The following FOXP1 variants were observed in gnomAD, a reference collection of about 807,000 sequenced individuals.
FOXP1 encodes forkhead box protein P1.
A neutral mutation model predicts 98.2 loss-of-function variants in FOXP1; 15 were observed. The observed-to-expected ratio is 0.15, with a 90% CI of 0.10 to 0.24. The LOEUF (loss-of-function observed/expected upper bound fraction) is 0.24, where lower values mean the gene tolerates loss of function less well. Ranked by LOEUF, FOXP1 falls within the 10% of genes least tolerant of loss-of-function variation. FOXP1 has a pLI of 1.00. For synonymous variants in FOXP1, 371 were observed against 314.5 expected (o/e 1.18, Z -1.90); for missense variants, 633 against 848.5 (o/e 0.75, Z 3.15).
intron 6 of FOXP1, among the ~76,000 whole-genome samples, chr3:71,170,653 C>G (rs951462184): frequency 4.6e-5 from 7 of 152,154 alleles, no homozygotes; most frequent in Admixed American, 4.6e-4. Flanking sequence ...GTATTCTTAG[C>G]TGAAAACCAT....
intron 7 of FOXP1, 35 bp downstream of exon 7, chr3:71,112,501 T>C: frequency 6.8e-7 from 1 of 1,476,806 alleles, no homozygotes. Flanking sequence ...TCCCAAAGGG[T>C]ATAATGTCAA....
intron 3 of FOXP1, among the ~76,000 whole-genome samples, chr3:71,448,281 G>A (rs1400635899): frequency 6.6e-6 from 1 of 152,124 alleles, no homozygotes; most frequent in Non-Finnish European, 1.5e-5. Flanking sequence ...ACAAAGAAAT[G>A]TACAAAATCC....
chr3:70,970,682 G>T, intron 19 of FOXP1, 54 bp downstream of exon 19: 1 of 1,301,656 alleles, frequency 7.7e-7, no homozygotes, highest in South Asian at 1.2e-5. Flanking sequence ...ATTTTGAAAT[G>T]AGTAGGGGAG....
Position 71,256,607 on chromosome 3 carries a change from C to T in FOXP1, c.-12+43213G>A, listed in dbSNP as rs534167225. 1.2e-4 allele frequency among the ~76,000 whole-genome samples: 18 copies of T among 152,212 alleles called. No individual in the cohort carries two copies. The Middle Eastern group carries it at 0.02, about 173-fold the overall frequency. ...CCATGTTGGCCAGGATGGTCTCAAC[C>T]GCTTAACCTCATGATTCACCTGCCT... On this transcript the variant is annotated intron_variant, in intron 5 of 20. Coordinates refer to ENST00000649528, the MANE Select transcript of FOXP1 (RefSeq NM_001349338.3).
chr3:71,186,419 T>C (rs1428366125), intron 6 of FOXP1, among the ~76,000 whole-genome samples: 1 of 152,176 alleles, frequency 6.6e-6, no homozygotes, highest in Non-Finnish European at 1.5e-5. Context: ...TCTTAAACAA[T>C]AGTATACCTA....
chr3:71,061,521 C>T (rs1245329471), intron 7 of FOXP1, among the ~76,000 whole-genome samples: 1 of 152,050 alleles, frequency 6.6e-6, no homozygotes, highest in Admixed American at 6.6e-5. Flanking sequence ...TATTTGCAAG[C>T]GTTATAATTT....
chr3:71,358,255 T>C (rs2078302339), intron 4 of FOXP1, among the ~76,000 whole-genome samples: 1 of 152,208 alleles, frequency 6.6e-6, no homozygotes, highest in African/African-American at 2.4e-5. Flanking sequence ...TAGCCTACCA[T>C]AATCTACCCG....
intron 12 of FOXP1, among the ~76,000 whole-genome samples, chr3:71,001,837 G>A (rs559865826): frequency 1.3e-5 from 2 of 152,222 alleles, no homozygotes; most frequent in Admixed American, 6.5e-5. Context: ...AAAGCCTAAA[G>A]TCTTGAAAAT....
chr3:71,099,111 GC>G (rs1311293652), intron 7 of FOXP1, among the ~76,000 whole-genome samples: 8 of 152,166 alleles, frequency 5.3e-5, no homozygotes, highest in African/African-American at 1.9e-4. Flanking sequence ...TTGATTATAA[GC>G]AAAACGATGG....
intron 5 of FOXP1, among the ~76,000 whole-genome samples, chr3:71,278,990 G>A (rs1490505593): frequency 4.6e-5 from 7 of 151,584 alleles, no homozygotes; most frequent in Admixed American, 6.6e-5. Context: ...TCAGGAGTTC[G>A]AGACCAGCCT....
chr3:71,047,122 A>C (rs1278982024), intron 9 of FOXP1, 27 bp from the exon 10 acceptor site: 1 of 1,613,686 alleles, frequency 6.2e-7, no homozygotes, highest in Non-Finnish European at 8.5e-7. Flanking sequence ...AGAAAAAATG[A>C]GATGGCCACT....
chr3:71,233,409 C>T (rs2066494136), intron 5 of FOXP1, among the ~76,000 whole-genome samples: 1 of 151,776 alleles, frequency 6.6e-6, no homozygotes, highest in Non-Finnish European at 1.5e-5. Context: ...AAAGCAGCTG[C>T]TATAGTTTTT....
intron 3 of FOXP1, among the ~76,000 whole-genome samples, chr3:71,418,661 C>T (rs1484597338): frequency 6.6e-6 from 1 of 152,152 alleles, no homozygotes; most frequent in Non-Finnish European, 1.5e-5. Context: ...GATCTAAACA[C>T]TACTTAACTG....
intron 2 of FOXP1, among the ~76,000 whole-genome samples, chr3:71,515,874 C>A (rs896262608): frequency 1.3e-5 from 2 of 152,148 alleles, no homozygotes; most frequent in Admixed American, 1.3e-4. Flanking sequence ...AAGGAAGGAA[C>A]AAGGGTCAGA....
rs1560425175 is a variant in FOXP1, at chr3:71,397,019, T to TACACAC, written c.-167-37776_-167-37775insGTGTGT. ...ACACATATATATGTGTATATATATATATATACATATATATGTGTATATATA... is the reference window on the plus strand; with the variant it reads ...ACACATATATATGTGTATATATATATACACACATATACATATATATGTGTATATATA... On this transcript the variant is annotated intron_variant, in intron 3 of 20. Transcript: ENST00000649528. Among the ~76,000 whole-genome samples the TACACAC allele has an allele frequency of 7.3e-4, 42 of 57,292 alleles. 12 individuals are homozygous for TACACAC. Among genetic ancestry groups the TACACAC allele is most frequent in the Middle Eastern group, 0.017 (2 of 118 alleles). The allele number at this position is 57,292 out of a possible 152,430, so 37.6% of individuals were successfully genotyped here. A position where few individuals can be genotyped will look rare whatever the true frequency, so the allele number is the denominator to read the frequency against.
rs182236761 is a variant in FOXP1 at position 71,406,496 on chromosome 3, C to T, written c.-167-47252G>A. On this transcript the variant is annotated intron_variant, in intron 3 of 20. Coordinates refer to ENST00000649528, the MANE Select transcript of FOXP1 (RefSeq NM_001349338.3). Reference sequence around the variant, plus strand: ...AATCAGGGTATTCCATTTCCAAAGTCAGCAACATTGAGCCAAGTCCTTCTC... The same window carrying T: ...AATCAGGGTATTCCATTTCCAAAGTTAGCAACATTGAGCCAAGTCCTTCTC... Among the ~76,000 whole-genome samples the T allele has an allele frequency of 1.7e-4, 25 of 149,446 alleles. No individual in the cohort carries two copies. In the East Asian group the frequency reaches 4.6e-3, roughly 28 times the overall value.
intron 4 of FOXP1, among the ~76,000 whole-genome samples, chr3:71,341,419 T>G (rs771529391): frequency 1.3e-4 from 20 of 152,218 alleles, no homozygotes; most frequent in Non-Finnish European, 2.1e-4. Context: ...CTAAAACTTA[T>G]GAGGTACAGA....
intron 3 of FOXP1, among the ~76,000 whole-genome samples, chr3:71,437,417 C>CA (rs1396559118): frequency 6.6e-6 from 1 of 152,018 alleles, no homozygotes; most frequent in African/African-American, 2.4e-5. Context: ...AAAAGCAAAA[C>CA]AAAACAAAAC....
chr3:70,977,616 A>G, intron 16 of FOXP1, 27 bp downstream of exon 16: 1 of 1,562,882 alleles, frequency 6.4e-7, no homozygotes, highest in East Asian at 2.2e-5. Flanking sequence ...TTCTGACAGA[A>G]TTTCATATAC....
Sources: allele counts gnomAD v4.1 joint callset (sites outside exome capture counted in the v4.1 genomes callset), GRCh38; gene constraint gnomAD v4.1.1; transcripts MANE v1.5; gene names NCBI Gene and HGNC (gene_info 2026-07-23, HGNC 2026-07-21).